Variants in AHSA1 observed in about 807,000 individuals in gnomAD.
The protein encoded by AHSA1 is activator of HSP90 ATPase activity 1.
Under a neutral mutation model 46.1 loss-of-function variants are expected in AHSA1, and 14 were observed. That is an observed-to-expected ratio of 0.30 (90% CI 0.20 to 0.47). The LOEUF is 0.47. Among genes scored for constraint, AHSA1 ranks in the 20% least tolerant of loss-of-function variants. The probability of loss-of-function intolerance (pLI) is 0.99; values close to 1 mark genes in which losing one functional copy is unlikely to be tolerated. For missense variants in AHSA1, 333 were observed against 415.9 expected (o/e 0.80, Z 1.73); for synonymous variants, 147 against 145.8 (o/e 1.01, Z -0.06).
chr14:77,469,042 A>C (rs2079061928), intron 8 of AHSA1, 35 bp from the exon 9 acceptor site: 1 of 1,608,460 alleles, frequency 6.2e-7, no homozygotes, highest in South Asian at 1.1e-5. Flanking sequence ...ATGGAAACCT[A>C]GATATGAAAC....
Position 77,462,736 on chromosome 14 carries a change from T to C in AHSA1, c.449T>C (p.Ile150Thr). The C allele has an allele frequency of 6.2e-7, 1 of 1,614,112 alleles. No individual in the cohort carries two copies. Among genetic ancestry groups the C allele is most frequent in the Non-Finnish European group, 8.5e-7 (1 of 1,179,970 alleles). Residue 150 changes from isoleucine (I) to threonine (T), a missense_variant, in exon 4 of 9, where the codon ATT (isoleucine) becomes ACT (threonine). Coordinates refer to ENST00000216479, the MANE Select transcript of AHSA1 (RefSeq NM_012111.3). ...AAACTTCTAAGAGAAGCAATGGGAA[T>C]TTACATCAGCACCCTCAAAACAGGT... Reference protein sequence around the residue: ...GVKLLREAMGIYISTLKTEFT... With the variant: ...GVKLLREAMGTYISTLKTEFT...
At chr14:77,466,306 G>T in intron 6 of AHSA1, 1 of 152,752 alleles carries the variant, frequency 6.5e-6, no homozygotes, top group Non-Finnish European at 1.5e-5. Flanking sequence ...AGAAACCACT[G>T]AGTGAATCTT....
intron 8 of AHSA1, 123 bp from the exon 9 acceptor site, chr14:77,468,954 C>T: frequency 3.6e-6 from 4 of 1,106,986 alleles, no homozygotes; most frequent in Non-Finnish European, 5.3e-6. Flanking sequence ...GTGATCCGCC[C>T]ACCTCAGCCT....
intron 6 of AHSA1, among the ~76,000 whole-genome samples, chr14:77,466,967 A>G (rs1159781026): frequency 6.6e-6 from 1 of 152,374 alleles, no homozygotes; most frequent in East Asian, 1.9e-4. Flanking sequence ...GAGGATTCCT[A>G]ACATTTTTAA....
At position 77,468,165 on chromosome 14, in the gene AHSA1, C is replaced by G; in HGVS notation, c.773C>G (p.Ser258Cys). ...GKFHMVDGNV[S>C]GEFTDLVPEK... is the part of the protein sequence containing the mutation. ...TTCCACATGGTAGATGGCAACGTCT[C>G]TGGGGAATTTACTGATCTGGTGAGT... The change falls in exon 7 of 9, where the codon TCT becomes TGT. Residue 258 changes from serine to cysteine, a missense_variant. By Grantham distance (112) the Ser-to-Cys change is moderately radical. Transcript: ENST00000216479. The G allele has an allele frequency of 1.3e-6, 2 of 1,557,174 alleles. No individual in the cohort carries two copies. The highest frequency in any genetic ancestry group is 8.7e-7 in the Non-Finnish European group (1 of 1,149,954).
chr14:77,464,571 C>T (rs532225025), intron 4 of AHSA1, 27 bp from the exon 5 acceptor site: 4 of 1,595,324 alleles, frequency 2.5e-6, no homozygotes, highest in Middle Eastern at 1.7e-4. Flanking sequence ...GAAGTAACTT[C>T]CATGAGCTGG....
At chr14:77,459,409 C>A (rs2079010232) in intron 1 of AHSA1, among the ~76,000 whole-genome samples, 1 of 152,162 alleles carries the variant, frequency 6.6e-6, no homozygotes, top group Non-Finnish European at 1.5e-5. Flanking sequence ...ATACCATTTT[C>A]TACAGCAGCT....
At chr14:77,465,809 T>C in intron 6 of AHSA1, 142 bp downstream of exon 6, 1 of 837,840 alleles carries the variant, frequency 1.2e-6, no homozygotes, top group Non-Finnish European at 1.7e-6. Flanking sequence ...AAAGTGAATT[T>C]TTCCCTCCCT....
chr14:77,469,414 T>A lies in AHSA1; in HGVS notation c.*165T>A. 1.4e-6 allele frequency: 1 copy of A among 705,094 alleles called. No individual in the cohort carries two copies. Among genetic ancestry groups the A allele is most frequent in the Non-Finnish European group, 2.3e-6 (1 of 434,542 alleles). The allele number at this position is 705,094 out of a possible 1,614,324, so 43.7% of individuals were successfully genotyped here. ...TGTGCATGTTTTCTGCTGGGTGGGT[T>A]CAGAGGGCAATTTCTCTTTTATGTG... On this transcript the variant is annotated 3_prime_UTR_variant, in exon 9 of 9. Transcript: ENST00000216479.
chr14:77,459,150 G>A (rs1262493954), intron 1 of AHSA1, among the ~76,000 whole-genome samples: 2 of 152,206 alleles, frequency 1.3e-5, no homozygotes, highest in Non-Finnish European at 2.9e-5. Flanking sequence ...CAGTGAATGT[G>A]TAGGAAGTTT....
intron 2 of AHSA1, among the ~76,000 whole-genome samples, chr14:77,460,955 C>G (rs1242146967): frequency 6.7e-6 from 1 of 149,324 alleles, no homozygotes; most frequent in Non-Finnish European, 1.5e-5. Flanking sequence ...GTCAGGAGAT[C>G]AAGACCATCC....
chr14:77,459,796 A>G lies in AHSA1; in HGVS notation c.261A>G (p.Leu87=). 2 of 1,614,230 alleles carry G rather than the reference A, an allele frequency of 1.2e-6. No individual in the cohort carries two copies. Among genetic ancestry groups the G allele is most frequent in the Non-Finnish European group, 1.7e-6 (2 of 1,180,024 alleles). The change falls in exon 2 of 9, where the codon CTA becomes CTG. Residue 87 remains leucine (L), a synonymous_variant. Transcript: ENST00000216479. ...LIFFYEWSVK[L]NWTGTSKSGV... ...TCTTTTATGAATGGAGCGTCAAACT[A>G]AACTGGACAGGTAAGTCTAAGCTGG...
intron 6 of AHSA1, 76 bp from the exon 7 acceptor site, chr14:77,468,007 G>GC: frequency 9.7e-7 from 1 of 1,030,968 alleles, no homozygotes; most frequent in South Asian, 1.7e-5. Context: ...CCTTCAGCTG[G>GC]CATTTGTCCT....
chr14:77,467,453 G>A (rs1292067068), intron 6 of AHSA1, among the ~76,000 whole-genome samples: 1 of 151,640 alleles, frequency 6.6e-6, no homozygotes, highest in Non-Finnish European at 1.5e-5. Context: ...CAGCACTTTG[G>A]GAGGCCAAGG....
intron 1 of AHSA1, 125 bp from the exon 2 acceptor site, chr14:77,459,491 C>A: frequency 1.1e-6 from 1 of 892,044 alleles, no homozygotes; most frequent in Non-Finnish European, 1.7e-6. Flanking sequence ...TACTGGAGTG[C>A]GACTGGGAGT....
intron 6 of AHSA1, chr14:77,466,583 TGTTA>T (rs2079048802): frequency 6.6e-6 from 1 of 152,262 alleles, no homozygotes; most frequent in Admixed American, 6.5e-5. Flanking sequence ...AGTATATGGG[TGTTA>T]GTATGTCTGT....
chr14:77,464,325 TG>T (rs1475751930), intron 4 of AHSA1, among the ~76,000 whole-genome samples: 1 of 151,876 alleles, frequency 6.6e-6, no homozygotes, highest in Non-Finnish European at 1.5e-5. Context: ...TGCAGTGAGT[TG>T]GAGTGCAGGC....
chr14:77,467,657 G>A (rs898491009), intron 6 of AHSA1, among the ~76,000 whole-genome samples: 3 of 152,198 alleles, frequency 2.0e-5, no homozygotes, highest in African/African-American at 7.2e-5. Flanking sequence ...TCGCGCCACT[G>A]CACTCCAGCC....
At chr14:77,459,854 C>T (rs1203943430) in intron 2 of AHSA1, 48 bp downstream of exon 2, 3 of 1,596,774 alleles carry the variant, frequency 1.9e-6, no homozygotes, top group East Asian at 4.5e-5. Context: ...TTTTGTTTAA[C>T]CTGTTAAGTA....
Sources: gnomAD v4.1 joint callset for allele counts (sites outside exome capture counted in the v4.1 genomes callset) on GRCh38, gnomAD v4.1.1 for gene constraint, MANE v1.5 for transcripts, NCBI Gene and HGNC (gene_info 2026-07-23, HGNC 2026-07-21) for gene names.